ADGRL2: variants seen among roughly 807,000 people sequenced by gnomAD.
ADGRL2 encodes calcium-independent alpha-latrotoxin receptor 2.
In ADGRL2, 44 loss-of-function variants were observed where a neutral mutation model predicts 157.4. The ratio of observed to expected loss-of-function variants is 0.28; its 90% CI spans 0.22 to 0.36. The LOEUF is 0.36. Among genes scored for constraint, ADGRL2 ranks in the 10% least tolerant of loss-of-function variants. The pLI, the probability that ADGRL2 is intolerant of heterozygous loss-of-function variation, is 1.00. For missense variants in ADGRL2, 1,510 were observed against 1,768.9 expected, an observed-to-expected ratio of 0.85 and a Z score of 2.63; for synonymous variants, 585 against 624.7, an observed-to-expected ratio of 0.94 and a Z score of 0.95.
intron 1 of ADGRL2, among the ~76,000 whole-genome samples, chr1:81,411,520 G>A (rs946367269): frequency 6.6e-6 from 1 of 152,130 alleles, no homozygotes; most frequent in Admixed American, 6.5e-5. Context: ...AAAGTTAGAA[G>A]GTAGCAAAGA....
intron 1 of ADGRL2, among the ~76,000 whole-genome samples, chr1:81,383,110 T>C (rs1242994154): frequency 1.3e-5 from 2 of 152,186 alleles, no homozygotes; most frequent in Non-Finnish European, 2.9e-5. Context: ...TCGTGTGCTC[T>C]TTCCATACGC....
At chr1:81,670,572 T>C (rs1301983212) in intron 3 of ADGRL2, among the ~76,000 whole-genome samples, 3 of 151,688 alleles carry the variant, frequency 2.0e-5, no homozygotes, top group African/African-American at 4.9e-5. Flanking sequence ...GAAGAGAAAA[T>C]AGGTGAAAAG....
At chr1:81,971,706 T>C (rs141022774) in intron 16 of ADGRL2, 146 bp from the exon 17 acceptor site, 1 of 510,892 alleles carries the variant, frequency 2.0e-6, no homozygotes, top group African/African-American at 1.9e-5. Flanking sequence ...AACTCAGAAT[T>C]ATTAGAGGTC....
intron 2 of ADGRL2, among the ~76,000 whole-genome samples, chr1:81,523,505 T>C (rs2079374699): frequency 6.6e-6 from 1 of 152,124 alleles, no homozygotes; most frequent in Non-Finnish European, 1.5e-5. Flanking sequence ...AGTCAATATT[T>C]TTTAAAATAA....
intron 2 of ADGRL2, among the ~76,000 whole-genome samples, chr1:81,893,319 T>TTGTTTTTGTTTTTTTTTTTGTTTTTG (rs2094310936): frequency 1.3e-5 from 2 of 150,250 alleles, no homozygotes; most frequent in Admixed American, 1.3e-4. Context: ...CAATCCTGTC[T>TTGTTTTTGTTTTTTTTTTTGTTTTTG]TGTATTTTTC....
Position 81,739,689 on chromosome 1 carries a change from G to A in ADGRL2, c.-142-22122G>A, listed in dbSNP as rs549557270. Among the ~76,000 whole-genome samples the A allele has an allele frequency of 6.6e-5, 10 of 152,252 alleles. No individual in the cohort carries two copies. In the East Asian group the frequency reaches 1.5e-3, roughly 24 times the overall value. ...ATACCTGCCTCAGCAGAGGCCTTAC[G>A]AAAATCAAAGTTAGACTCAGTCTAC... On this transcript the variant is annotated intron_variant, in intron 1 of 20. Transcript: ENST00000359929.
chr1:81,503,655 G>C (rs942321199), intron 2 of ADGRL2, among the ~76,000 whole-genome samples: 2 of 152,178 alleles, frequency 1.3e-5, no homozygotes, highest in Non-Finnish European at 2.9e-5. Context: ...GCAGGGAGAG[G>C]CTAGAGGGGC....
At chr1:81,796,796 C>T (rs1163390813), upstream of ADGRL2, among the ~76,000 whole-genome samples, 1 of 152,092 alleles carries the variant, frequency 6.6e-6, no homozygotes, top group Admixed American at 6.6e-5. Context: ...ACACAATATG[C>T]CTTAATTATA....
chr1:81,871,354 C>T (rs1202050141), intron 2 of ADGRL2, among the ~76,000 whole-genome samples: 1 of 151,870 alleles, frequency 6.6e-6, no homozygotes, highest in Non-Finnish European at 1.5e-5. Context: ...TTTGGGTTGG[C>T]TCCAAGTCTT....
chr1:81,603,004 A>C (rs1490328704), intron 3 of ADGRL2, among the ~76,000 whole-genome samples: 1 of 152,178 alleles, frequency 6.6e-6, no homozygotes, highest in Non-Finnish European at 1.5e-5. Flanking sequence ...ATACCTTAGC[A>C]CGTGATGGTA....
intron 1 of ADGRL2, among the ~76,000 whole-genome samples, chr1:81,330,723 T>A (rs1661215550): frequency 2.0e-5 from 3 of 152,138 alleles, no homozygotes; most frequent in Admixed American, 2.0e-4. Flanking sequence ...GATGCATCAG[T>A]CAACAAATCT....
intron 1 of ADGRL2, among the ~76,000 whole-genome samples, chr1:81,736,444 T>C (rs552614826): frequency 6.6e-6 from 1 of 152,328 alleles, no homozygotes; most frequent in Admixed American, 6.5e-5. Context: ...GTTCCTCTTA[T>C]TTATTTCCTG....
chr1:81,535,206 G>C (rs2079705059), intron 2 of ADGRL2, among the ~76,000 whole-genome samples: 1 of 152,206 alleles, frequency 6.6e-6, no homozygotes, highest in African/African-American at 2.4e-5. Context: ...TGTTTTCCCA[G>C]AGCTGTCAAG....
At chr1:81,889,088 G>T (rs898877590) in intron 2 of ADGRL2, among the ~76,000 whole-genome samples, 1 of 152,032 alleles carries the variant, frequency 6.6e-6, no homozygotes, top group Non-Finnish European at 1.5e-5. Context: ...TATTCCCTGA[G>T]ACACAAAAAT....
chr1:81,456,087 C>T (rs1179782152), intron 2 of ADGRL2, among the ~76,000 whole-genome samples: 1 of 152,154 alleles, frequency 6.6e-6, no homozygotes. Context: ...TTTTAAGTAT[C>T]AATGCACTCT....
intron 1 of ADGRL2, among the ~76,000 whole-genome samples, chr1:81,330,184 G>A (rs1279768504): frequency 6.6e-6 from 1 of 152,072 alleles, no homozygotes; most frequent in Non-Finnish European, 1.5e-5. Flanking sequence ...TCATCATGAT[G>A]AGGATGACCA....
intron 2 of ADGRL2, among the ~76,000 whole-genome samples, chr1:81,538,115 G>A (rs1015853630): frequency 2.0e-5 from 3 of 152,134 alleles, no homozygotes; most frequent in African/African-American, 7.2e-5. Flanking sequence ...TTTGGGCTTG[G>A]GTATTTAACA....
intron 2 of ADGRL2, among the ~76,000 whole-genome samples, chr1:81,570,431 G>C (rs1288498274): frequency 6.6e-6 from 1 of 152,128 alleles, no homozygotes; most frequent in African/African-American, 2.4e-5. Flanking sequence ...TGTCACCCAG[G>C]CTGGAGTGGT....
At chr1:81,406,559 A>G (rs6424755) in intron 1 of ADGRL2, among the ~76,000 whole-genome samples, 148,295 of 152,306 alleles carry the variant, frequency 0.97, 72,319 homozygotes, top group East Asian at 1. Context: ...GCAGCCATCC[A>G]TCCAGCCTCT....
Sources: allele counts gnomAD v4.1 joint callset (sites outside exome capture counted in the v4.1 genomes callset), GRCh38; gene constraint gnomAD v4.1.1; transcripts MANE v1.5; gene names NCBI Gene and HGNC (gene_info 2026-07-23, HGNC 2026-07-21).